Variants in MTMR6 observed in about 807,000 individuals in gnomAD.
The protein encoded by MTMR6 is phosphatidylinositol-3,5-bisphosphate 3-phosphatase MTMR6.
MTMR6 carries 47 observed loss-of-function variants against 80.1 expected under a neutral mutation model. The ratio of observed to expected loss-of-function variants is 0.59; its 90% CI spans 0.46 to 0.75. The LOEUF (loss-of-function observed/expected upper bound fraction) is 0.75. MTMR6 is among the 30% of genes least tolerant of loss of function. MTMR6 has a pLI of 0.00. For synonymous variants in MTMR6, 254 were observed against 253.0 expected, an observed-to-expected ratio of 1.00 and a Z score of -0.04; for missense variants, 629 against 730.9, an observed-to-expected ratio of 0.86 and a Z score of 1.61.
chr13:25,273,669 G>T (rs1406743700), intron 2 of MTMR6, among the ~76,000 whole-genome samples: 2 of 151,892 alleles, frequency 1.3e-5, no homozygotes, highest in Non-Finnish European at 2.9e-5. Context: ...GGGATTACAG[G>T]CACCCATCGC....
chr13:25,283,611 A>T (rs1957903346), intron 1 of MTMR6, among the ~76,000 whole-genome samples: 1 of 152,182 alleles, frequency 6.6e-6, no homozygotes, highest in African/African-American at 2.4e-5. Context: ...TTTTGGAATA[A>T]CTCAATTTGG....
intron 5 of MTMR6, among the ~76,000 whole-genome samples, chr13:25,264,481 G>A (rs1339598137): frequency 2.0e-5 from 3 of 152,004 alleles, no homozygotes; most frequent in Middle Eastern, 3.4e-3. Context: ...CAAGCAGGGC[G>A]CAGTGGCTCA....
At chr13:25,254,996 T>C (rs1425210192) in intron 9 of MTMR6, among the ~76,000 whole-genome samples, 2 of 152,218 alleles carry the variant, frequency 1.3e-5, no homozygotes, top group African/African-American at 4.8e-5. Flanking sequence ...ATGGACTGAC[T>C]TTATGTTTTC....
At chr13:25,255,209 C>T (rs1957172958) in intron 9 of MTMR6, among the ~76,000 whole-genome samples, 1 of 152,234 alleles carries the variant, frequency 6.6e-6, no homozygotes, top group Non-Finnish European at 1.5e-5. Context: ...CCGCAGAAGG[C>T]TATACACTGA....
At chr13:25,257,715 A>G in intron 8 of MTMR6, 21 bp downstream of exon 8, 1 of 1,560,946 alleles carries the variant, frequency 6.4e-7, no homozygotes, top group African/African-American at 1.3e-5. Flanking sequence ...CCAAGACCAA[A>G]TATGAAAGAT....
At position 25,247,673 on chromosome 13, in the gene MTMR6, T is replaced by C. The variant is rs556608070; in HGVS notation, c.*1559A>G. 3 of 152,298 alleles carry C rather than the reference T, an allele frequency of 2.0e-5. No individual in the cohort carries two copies. Among genetic ancestry groups the C allele is most frequent in the Admixed American group, 6.5e-5 (1 of 15,296 alleles). The allele number at this position is 152,298 out of a possible 1,614,324, so 9.4% of individuals were successfully genotyped here. On this transcript the variant is annotated 3_prime_UTR_variant, in exon 14 of 14. Transcript: ENST00000381801. ...TACTATATTTTATAGTGCATTTCTGTTGCTGTTTAAAAAGGAATATTTTTT... is the reference window on the plus strand; with the variant it reads ...TACTATATTTTATAGTGCATTTCTGCTGCTGTTTAAAAAGGAATATTTTTT...
intron 1 of MTMR6, among the ~76,000 whole-genome samples, chr13:25,287,015 T>C (rs1957966363): frequency 6.6e-6 from 1 of 152,000 alleles, no homozygotes; most frequent in Non-Finnish European, 1.5e-5. Context: ...GGACCCCTGC[T>C]CCTGTAGGTA....
rs960984697 is a variant in MTMR6 at position 25,247,961 on chromosome 13, T to C, written c.*1271A>G. 1 of 152,148 alleles carries C rather than the reference T, an allele frequency of 6.6e-6. No individual in the cohort carries two copies. The highest frequency in any genetic ancestry group is 2.4e-5 in the African/African-American group (1 of 41,452). The allele number at this position is 152,148 out of a possible 1,614,324, so 9.4% of individuals were successfully genotyped here. Reference sequence around the variant, plus strand: ...ATTCCAAGTGATAGTTTTGGGGTTTTTATGTTTTGTTTCTTGTTTTTTGGT... The same window carrying C: ...ATTCCAAGTGATAGTTTTGGGGTTTCTATGTTTTGTTTCTTGTTTTTTGGT... On this transcript the variant is annotated 3_prime_UTR_variant, in exon 14 of 14. Coordinates refer to ENST00000381801, the MANE Select transcript of MTMR6 (RefSeq NM_004685.5).
chr13:25,254,588 A>G (rs537411222), intron 9 of MTMR6, among the ~76,000 whole-genome samples, 154 bp from the exon 10 acceptor site: 2 of 152,346 alleles, frequency 1.3e-5, no homozygotes, highest in Admixed American at 1.3e-4. Context: ...GAATGCCAAA[A>G]CCTTGATTCG....
Position 25,276,349 on chromosome 13 carries a change from G to C in MTMR6, c.25-2162C>G, listed in dbSNP as rs567775146. Among the ~76,000 whole-genome samples the C allele has an allele frequency of 1.8e-4, 28 of 152,316 alleles. No homozygotes were observed. The South Asian group carries it at 4.8e-3, about 26-fold the overall frequency. ...TAATTTGTGTCCACATCATTCAGTA[G>C]AGTTTCAAATAGCTTCTCAGAAAAA... On this transcript the variant is annotated intron_variant, in intron 1 of 13. Coordinates refer to ENST00000381801, the MANE Select transcript of MTMR6 (RefSeq NM_004685.5).
In MTMR6 at chr13:25,257,219, A is replaced by G; in HGVS notation, c.1072T>C (p.Tyr358His). The G allele has an allele frequency of 1.9e-6, 3 of 1,613,780 alleles. No homozygotes were observed. Among genetic ancestry groups the G allele is most frequent in the Non-Finnish European group, 2.5e-6 (3 of 1,179,802 alleles). The change falls in exon 9 of 14, where the codon TAC (tyrosine) becomes CAC (histidine). Residue 358 changes from tyrosine (Y) to histidine (H), a missense_variant. Transcript: ENST00000381801. ...SLGSLLLDSY[Y>H]RTIKGFMVLI... ...ACCATGAATCCTTTGATTGTCCTGT[A>G]GTAGGAATCCAATAAAAGAGAACCC...
chr13:25,251,882 C>T lies in MTMR6; in HGVS notation c.1449G>A (p.Leu483=), dbSNP rs1270426794. 1.9e-6 allele frequency: 3 copies of T among 1,607,958 alleles called. No individual in the cohort carries two copies. In the South Asian group the frequency reaches 3.4e-5, roughly 18 times the overall value. ...AATTGAAAGATACTGTATTTGGCTC[C>T]AAAACTGTAAATCTGTGAGATTCGG... ...YSSESHRFTV[L]EPNTVSFNFK... The change falls in exon 12 of 14, where the codon TTG becomes TTA. Residue 483 remains leucine (L), a synonymous_variant. Transcript: ENST00000381801. The surrounding 1 kb of genome is among the most constrained non-coding windows in gnomAD (Gnocchi z 4.1).
chr13:25,278,643 G>A (rs1957776930), intron 1 of MTMR6, among the ~76,000 whole-genome samples: 2 of 148,390 alleles, frequency 1.3e-5, no homozygotes, highest in East Asian at 2.0e-4. Context: ...AACCCAGGAG[G>A]TGGAGGTTGC....
Position 25,274,117 on chromosome 13 carries a change from G to A in MTMR6, c.95C>T (p.Thr32Met), listed in dbSNP as rs774674489. Residue 32 changes from threonine to methionine, a missense_variant, in exon 2 of 14, where the codon ACG becomes ATG. Transcript: ENST00000381801. ...NKSLTGTLYLTATHLLFIDSH... is the reference protein window; with the variant it reads ...NKSLTGTLYLMATHLLFIDSH... ...GTCGATAAATAATAGATGTGTAGCC[G>A]TAAGATACAGTGTTCCTGTTAATGA... 19 of 1,612,688 alleles carry A rather than the reference G, an allele frequency of 1.2e-5. No individual in the cohort carries two copies. Among genetic ancestry groups the A allele is most frequent in the Middle Eastern group, 1.6e-4 (1 of 6,080 alleles).
chr13:25,280,288 C>A (rs1957817024), intron 1 of MTMR6, among the ~76,000 whole-genome samples: 1 of 152,186 alleles, frequency 6.6e-6, no homozygotes, highest in African/African-American at 2.4e-5. Context: ...AAAATCATTA[C>A]ATACAACTGC....
intron 11 of MTMR6, among the ~76,000 whole-genome samples, chr13:25,253,470 G>A (rs560761719): frequency 6.6e-6 from 1 of 152,304 alleles, no homozygotes; most frequent in Non-Finnish European, 1.5e-5. Context: ...TATTCTGGGT[G>A]CTGGTTACAT....
At chr13:25,252,887 C>T (rs192331031) in intron 11 of MTMR6, among the ~76,000 whole-genome samples, 1 of 152,244 alleles carries the variant, frequency 6.6e-6, no homozygotes, top group Non-Finnish European at 1.5e-5. Context: ...TCCACATGCT[C>T]TCAGTTCTGC....
chr13:25,269,440 TTTTG>T (rs1340848623), intron 2 of MTMR6, among the ~76,000 whole-genome samples: 1 of 152,280 alleles, frequency 6.6e-6, no homozygotes, highest in East Asian at 1.9e-4. Flanking sequence ...ACCAATAATA[TTTTG>T]TTTGCTACTA....
intron 1 of MTMR6, among the ~76,000 whole-genome samples, chr13:25,284,661 A>C (rs1957920972): frequency 6.6e-6 from 1 of 152,222 alleles, no homozygotes. Context: ...CTTTTTAAAT[A>C]CTTACACTTA....
Sources: gnomAD v4.1 joint callset for allele counts (sites outside exome capture counted in the v4.1 genomes callset) on GRCh38, gnomAD v4.1.1 for gene constraint, Gnocchi (gnomAD v3.1) non-coding constraint, MANE v1.5 for transcripts, NCBI Gene and HGNC (gene_info 2026-07-23, HGNC 2026-07-21) for gene names.